The following HSF4 variants were observed in gnomAD, a reference collection of about 807,000 sequenced individuals.
HSF4 encodes heat shock factor protein 4.
In HSF4, 41 loss-of-function variants were observed where a neutral mutation model predicts 52.0. That is an observed-to-expected ratio of 0.79 (90% CI 0.61 to 1.02). The LOEUF (loss-of-function observed/expected upper bound fraction) is 1.02, where lower values mean the gene tolerates loss of function less well. Among genes scored for constraint, HSF4 ranks in the 50% least tolerant of loss-of-function variants. HSF4 has a pLI of 0.00. For synonymous variants in HSF4, 285 were observed against 273.0 expected (o/e 1.04, Z -0.43); for missense variants, 610 against 651.1 (o/e 0.94, Z 0.69).
chr16:67,167,080 C>T lies in HSF4; in HGVS notation c.627-40C>T, dbSNP rs2031360152. 1.9e-6 allele frequency: 3 copies of T among 1,613,574 alleles called. No homozygotes were observed. In the African/African-American group the frequency reaches 4.0e-5, roughly 22 times the overall value. Reference sequence around the variant, plus strand: ...GCAGGCCGAGGTGCATGGGGGCTGACCCTGCCCCACCCCTGCCTGTGCCCT... The same window carrying T: ...GCAGGCCGAGGTGCATGGGGGCTGATCCTGCCCCACCCCTGCCTGTGCCCT... On this transcript the variant is annotated intron_variant, in intron 6 of 12. Coordinates refer to ENST00000521374, the MANE Select transcript of HSF4 (RefSeq NM_001374675.1).
intron 5 of HSF4, 48 bp downstream of exon 5, chr16:67,166,443 C>G (rs1322445738): frequency 6.3e-7 from 1 of 1,589,096 alleles, no homozygotes; most frequent in East Asian, 2.3e-5. Context: ...CCTCGACACC[C>G]CATTCCACCG....
Position 67,165,556 on chromosome 16 carries a change from G to C in HSF4, c.158G>C (p.Arg53Pro). The change falls in exon 2 of 13, where the codon CGT becomes CCT. Residue 53 changes from arginine (R) to proline (P), a missense_variant. Coordinates refer to ENST00000521374, the MANE Select transcript of HSF4 (RefSeq NM_001374675.1). This position sits in a 1 kb window ranked among gnomAD's most constrained non-coding sequence, Gnocchi z 6.9. ...AGTTTCCTCGTAAGCGACCAGAGCCGTTTCGCCAAGGAAGTGCTGCCCCAG... is the reference window on the plus strand; with the variant it reads ...AGTTTCCTCGTAAGCGACCAGAGCCCTTTCGCCAAGGAAGTGCTGCCCCAG... ...GTSFLVSDQS[R>P]FAKEVLPQYF... 1.9e-6 allele frequency: 3 copies of C among 1,613,288 alleles called. No homozygotes were observed. The highest frequency in any genetic ancestry group is 2.5e-6 in the Non-Finnish European group (3 of 1,179,918).
Position 67,168,960 on chromosome 16 carries a change from A to G in HSF4, c.1188+24A>G, listed in dbSNP as rs746439787. ...ATGTGAGTACCCCTTCTGCTGAAAC[A>G]GGGGCATGAGACCTGGTGGGGTCTA... On this transcript the variant is annotated intron_variant, in intron 10 of 12. Transcript: ENST00000521374. The G allele has an allele frequency of 1.9e-6, 3 of 1,612,890 alleles. No homozygotes were observed. In the Admixed American group the frequency reaches 5.0e-5, roughly 27 times the overall value.
At position 67,165,635 on chromosome 16, in the gene HSF4, G is replaced by A. The variant is rs1410709922; in HGVS notation, c.232+5G>A. The A allele has an allele frequency of 6.2e-7, 1 of 1,612,906 alleles. No homozygotes were observed. Among genetic ancestry groups the A allele is most frequent in the Admixed American group, 1.7e-5 (1 of 60,036 alleles). ...TCGTGCGCCAACTCAACATGTGTGA[G>A]TCCCTACGGCCGGGCGGGGAGCGGG... On this transcript the variant is annotated splice_donor_5th_base_variant and intron_variant, in intron 2 of 12. Transcript: ENST00000521374. The surrounding 1 kb of genome is among the most constrained non-coding windows in gnomAD (Gnocchi z 6.9).
Position 67,165,460 on chromosome 16 carries a change from A to G in HSF4, c.124-62A>G. 3 of 1,454,732 alleles carry G rather than the reference A, an allele frequency of 2.1e-6. No individual in the cohort carries two copies. The highest frequency in any genetic ancestry group is 2.9e-6 in the Non-Finnish European group (3 of 1,037,142). The allele number at this position is 1,454,732 out of a possible 1,614,324, so 90.1% of individuals were successfully genotyped here. A position where few individuals can be genotyped will look rare whatever the true frequency, so the allele number is the denominator to read the frequency against. On this transcript the variant is annotated intron_variant, in intron 1 of 12. Transcript: ENST00000521374. The surrounding 1 kb of genome is among the most constrained non-coding windows in gnomAD (Gnocchi z 6.9). ...GCGCTGGAGCGCAGGACTGGCCGTG[A>G]GCGGGCACCGCTCACCCTCCTGGTC...
chr16:67,166,180 C>T, intron 4 of HSF4, 110 bp downstream of exon 4: 1 of 1,392,638 alleles, frequency 7.2e-7, no homozygotes, highest in Non-Finnish European at 9.8e-7. Flanking sequence ...TGCCTTGGCG[C>T]CTCCATCTAG....
Position 67,169,536 on chromosome 16 carries a change from CCTAA to C in HSF4, c.1325-92_1325-89del, listed in dbSNP as rs2031594728. ...GGGAGGTTAAGAATGGATGTTTTAT[CCTAA>C]CTGAGCAGAAGGCAGGCGGGCAGGG... is the stretch of plus-strand genomic sequence containing the variant. On this transcript the variant is annotated intron_variant, in intron 12 of 12. Coordinates refer to ENST00000521374, the MANE Select transcript of HSF4 (RefSeq NM_001374675.1). This position sits in a 1 kb window ranked among gnomAD's most constrained non-coding sequence, Gnocchi z 4.3. The C allele has an allele frequency of 6.3e-7, 1 of 1,597,424 alleles. No homozygotes were observed. Among genetic ancestry groups the C allele is most frequent in the African/African-American group, 1.3e-5 (1 of 74,814 alleles).
Position 67,165,857 on chromosome 16 carries a change from C to T in HSF4, c.360+11C>T, listed in dbSNP as rs1156844122. 1 of 1,600,868 alleles carries T rather than the reference C, an allele frequency of 6.2e-7. No homozygotes were observed. Among genetic ancestry groups the T allele is most frequent in the Non-Finnish European group, 8.5e-7 (1 of 1,178,758 alleles). On this transcript the variant is annotated intron_variant, in intron 3 of 12. Transcript: ENST00000521374. This position sits in a 1 kb window ranked among gnomAD's most constrained non-coding sequence, Gnocchi z 6.9. ...CGCGTGCGGCGCAAGGTGGGGGCGG[C>T]CTGCGGGAATGAGCAAAGAGGAGGA...
Position 67,167,460 on chromosome 16 carries a change from G to A in HSF4, c.730-15G>A, listed in dbSNP as rs753349463. 1 of 1,613,826 alleles carries A rather than the reference G, an allele frequency of 6.2e-7. No individual in the cohort carries two copies. The highest frequency in any genetic ancestry group is 8.5e-7 in the Non-Finnish European group (1 of 1,180,022). On this transcript the variant is annotated splice_polypyrimidine_tract_variant and intron_variant, in intron 7 of 12. Transcript: ENST00000521374. ...GCCTACAGGCCAAGGGCTGGGCCTAGCCTTCTACTTACAGCCTCTCCCAGA... is the reference window on the plus strand; with the variant it reads ...GCCTACAGGCCAAGGGCTGGGCCTAACCTTCTACTTACAGCCTCTCCCAGA...
In HSF4 at chr16:67,166,369, G is replaced by A. The variant is rs374553565; in HGVS notation, c.535G>A (p.Gly179Ser). The change falls in exon 5 of 13, where the codon GGT (glycine) becomes AGT (serine). Residue 179 changes from glycine (G) to serine (S), a missense_variant. Gly to Ser is a moderately conservative substitution (Grantham distance 56). Coordinates refer to ENST00000521374, the MANE Select transcript of HSF4 (RefSeq NM_001374675.1). The stretch of plus-strand genomic sequence containing the variant: ...GGTGGTGACACTTCGGCAGAGCCAC[G>A]GTCAGCAGCACCGGGTCATTGGCAA... Reference protein sequence around the residue: ...REVVTLRQSHGQQHRVIGKLI... With the variant: ...REVVTLRQSHSQQHRVIGKLI... 2.5e-5 allele frequency: 41 copies of A among 1,609,418 alleles called. No individual in the cohort carries two copies. In the Middle Eastern group the frequency reaches 9.9e-4, roughly 39 times the overall value.
upstream of HSF4, chr16:67,163,958 T>C (rs1479155375): frequency 1.5e-6 from 2 of 1,333,106 alleles, no homozygotes; most frequent in African/African-American, 2.9e-5. Flanking sequence ...TTGGGAACTG[T>C]GATGGCATCG....
At chr16:67,166,133 G>C (rs1597239536) in intron 4 of HSF4, 63 bp downstream of exon 4, 5 of 1,492,096 alleles carry the variant, frequency 3.4e-6, no homozygotes, top group Non-Finnish European at 4.5e-6. Flanking sequence ...ACCATAACTG[G>C]CCGGCCAGCA....
chr16:67,168,678 GC>G (rs930281433), intron 9 of HSF4, among the ~76,000 whole-genome samples, 152 bp from the exon 10 acceptor site: 13 of 152,214 alleles, frequency 8.5e-5, no homozygotes, highest in African/African-American at 3.1e-4. Flanking sequence ...GCCATTTATG[GC>G]AGGAGTGGGG....
At chr16:67,164,468 C>T (rs2031088214), upstream of HSF4, 3 of 529,162 alleles carry the variant, frequency 5.7e-6, no homozygotes, top group Admixed American at 2.3e-5. Context: ...CCAGGTCGCG[C>T]ACCGGCGATT....
rs1262919403 is a variant in HSF4, at chr16:67,169,151, C to T, written c.1254+50C>T. ...GAGGCCAGGGGTGGCTGAGTCAAGCCCTCTGGTCCATAGCTGTTCTCTGTG... is the reference window on the plus strand; with the variant it reads ...GAGGCCAGGGGTGGCTGAGTCAAGCTCTCTGGTCCATAGCTGTTCTCTGTG... On this transcript the variant is annotated intron_variant, in intron 11 of 12. Coordinates refer to ENST00000521374, the MANE Select transcript of HSF4 (RefSeq NM_001374675.1). The surrounding 1 kb of genome is among the most constrained non-coding windows in gnomAD (Gnocchi z 4.3). 1 of 1,606,184 alleles carries T rather than the reference C, an allele frequency of 6.2e-7. No individual in the cohort carries two copies. The highest frequency in any genetic ancestry group is 1.7e-5 in the Admixed American group (1 of 59,962).
At chr16:67,168,572 T>C (rs1331154680) in intron 9 of HSF4, among the ~76,000 whole-genome samples, 1 of 152,034 alleles carries the variant, frequency 6.6e-6, no homozygotes, top group Non-Finnish European at 1.5e-5. Context: ...GAAGCATGGA[T>C]ATTGATACTT....
intron 6 of HSF4, 92 bp from the exon 7 acceptor site, chr16:67,167,028 G>A (rs2031354127): frequency 3.8e-6 from 6 of 1,577,750 alleles, no homozygotes. Context: ...TGACTTGGCT[G>A]CTGGGGCCTG....
At chr16:67,163,762 C>T, upstream of HSF4, 2 of 1,585,736 alleles carry the variant, frequency 1.3e-6, no homozygotes, top group South Asian at 1.1e-5. Context: ...CGCCTGCGCA[C>T]CTATACCCTC....
chr16:67,168,684 G>A, intron 9 of HSF4, 147 bp from the exon 10 acceptor site: 5 of 673,688 alleles, frequency 7.4e-6, no homozygotes, highest in South Asian at 1.7e-5. Context: ...TATGGCAGGA[G>A]TGGGGAGGTT....
Sources: gnomAD v4.1 joint callset for allele counts (sites outside exome capture counted in the v4.1 genomes callset) on GRCh38, gnomAD v4.1.1 for gene constraint, Gnocchi (gnomAD v3.1) non-coding constraint, MANE v1.5 for transcripts, NCBI Gene and HGNC (gene_info 2026-07-23, HGNC 2026-07-21) for gene names.